Variants in GRM7 observed in about 807,000 individuals in gnomAD.
The protein encoded by GRM7 is metabotropic glutamate receptor 7.
In GRM7, 35 loss-of-function variants were observed where a neutral mutation model predicts 84.5. That is an observed-to-expected ratio of 0.41 (90% CI 0.32 to 0.55). GRM7 has a LOEUF of 0.55. Among genes scored for constraint, GRM7 ranks in the 20% least tolerant of loss-of-function variants. GRM7 has a pLI of 0.19. For synonymous variants in GRM7, 487 were observed against 455.1 expected, an observed-to-expected ratio of 1.07 and a Z score of -0.89; for missense variants, 1,003 against 1,194.6, an observed-to-expected ratio of 0.84 and a Z score of 2.36.
intron 4 of GRM7, among the ~76,000 whole-genome samples, chr3:7,321,236 C>T (rs1040936801): frequency 6.6e-6 from 1 of 152,056 alleles, no homozygotes; most frequent in Non-Finnish European, 1.5e-5. Flanking sequence ...CACAAATATA[C>T]AGTTCATAAG....
At chr3:7,558,007 T>C (rs1034223117) in intron 7 of GRM7, among the ~76,000 whole-genome samples, 2 of 147,814 alleles carry the variant, frequency 1.4e-5, no homozygotes, top group Non-Finnish European at 3.0e-5. Context: ...ACATAAGCAA[T>C]GCAATTAGTG....
intron 3 of GRM7, among the ~76,000 whole-genome samples, chr3:7,304,308 C>CTTTTTTTTT (rs34986687): frequency 1.0e-5 from 1 of 98,042 alleles, no homozygotes; most frequent in Non-Finnish European, 2.1e-5. Flanking sequence ...ATCATCCATC[C>CTTTTTTTTT]TTTTTTTTTT....
chr3:7,329,682 G>A (rs6795415), intron 4 of GRM7, among the ~76,000 whole-genome samples: 98,447 of 151,892 alleles, frequency 0.65, 33,815 homozygotes, highest in African/African-American at 0.89. Context: ...AAGTATACCT[G>A]GTGTGTCTCA....
chr3:7,544,495 T>C (rs1259264127), intron 7 of GRM7, among the ~76,000 whole-genome samples: 1 of 152,182 alleles, frequency 6.6e-6, no homozygotes, highest in Non-Finnish European at 1.5e-5. Flanking sequence ...CAGATTTGCC[T>C]CTGACTTACT....
chr3:6,968,907 A>G (rs1693630564), intron 1 of GRM7, among the ~76,000 whole-genome samples: 1 of 152,232 alleles, frequency 6.6e-6, no homozygotes, highest in Admixed American at 6.5e-5. Context: ...AGATTTTCTA[A>G]TTCTTTGAGT....
In GRM7 at chr3:6,862,445, T is replaced by G. The variant is rs1325003700; in HGVS notation, c.519+538T>G. ...TCTTAACCTAGATGTGGATGTTAAG[T>G]CCGCATCTCCCTCGGGCTGATTTCC... On this transcript the variant is annotated intron_variant, in intron 1 of 9. Transcript: ENST00000357716. This position sits in a 1 kb window ranked among gnomAD's most constrained non-coding sequence, Gnocchi z 5.2. 6.6e-6 allele frequency among the ~76,000 whole-genome samples: 1 copy of G among 152,062 alleles called. No homozygotes were observed. The highest frequency in any genetic ancestry group is 6.5e-5 in the Admixed American group (1 of 15,280).
At chr3:7,184,923 A>G (rs1243563280) in intron 2 of GRM7, among the ~76,000 whole-genome samples, 1 of 152,198 alleles carries the variant, frequency 6.6e-6, no homozygotes, top group Non-Finnish European at 1.5e-5. Context: ...AAAAGAAAAT[A>G]TTAATATTAT....
In GRM7 at chr3:7,578,827, A is replaced by C; in HGVS notation, c.1921A>C (p.Ile641Leu). The C allele has an allele frequency of 6.2e-7, 1 of 1,614,134 alleles. No individual in the cohort carries two copies. Among genetic ancestry groups the C allele is most frequent in the Non-Finnish European group, 8.5e-7 (1 of 1,180,024 alleles). Residue 641 changes from isoleucine (I) to leucine (L), a missense_variant, in exon 8 of 10, where the codon ATC becomes CTC. By Grantham distance (5) the Ile-to-Leu change is conservative (BLOSUM62 2). This residue lies in a region of GRM7 where 910 missense variants were observed against 1,126.0 expected (regional missense o/e 0.81). Transcript: ENST00000357716. The stretch of plus-strand genomic sequence containing the variant: ...TTTGACGGGCATCTTTCTTTGCTAC[A>C]TCATCACTTTCCTGATGATTGCCAA... ...VLLTGIFLCY[I>L]ITFLMIAKPD...
At position 7,655,777 on chromosome 3, in the gene GRM7, T is replaced by TCTAA. The variant is rs765593425; in HGVS notation, c.2452-24269_2452-24266dup. The stretch of plus-strand genomic sequence containing the variant: ...TGCTTCCCCAGAGCACCATTTGGCT[T>TCTAA]CTAACTGGAGAAAAAACTTCTCACC... On this transcript the variant is annotated intron_variant, in intron 8 of 9. Transcript: ENST00000357716. Among the ~76,000 whole-genome samples, 437 of 152,302 alleles carry TCTAA rather than the reference T, an allele frequency of 2.9e-3. 7 individuals are homozygous for TCTAA. Among genetic ancestry groups the TCTAA allele is most frequent in the Middle Eastern group, 0.017 (5 of 294 alleles).
intron 8 of GRM7, among the ~76,000 whole-genome samples, chr3:7,622,596 T>C (rs1697411929): frequency 6.6e-6 from 1 of 151,848 alleles, no homozygotes; most frequent in Non-Finnish European, 1.5e-5. Context: ...TACGGTGGAA[T>C]TGACATATTT....
At position 7,050,207 on chromosome 3, in the gene GRM7, C is replaced by T. The variant is rs141709275; in HGVS notation, c.520-96245C>T. 1.3e-3 allele frequency among the ~76,000 whole-genome samples: 198 copies of T among 151,948 alleles called. 1 individual carries two copies. Among genetic ancestry groups the T allele is most frequent in the South Asian group, 8.5e-3 (41 of 4,824 alleles). On this transcript the variant is annotated intron_variant, in intron 1 of 9. Coordinates refer to ENST00000357716, the MANE Select transcript of GRM7 (RefSeq NM_000844.4). ...CCACACATTCATAACTTTGAAATTTCCCAGTGATCTCATGAACTTTTGTAA... is the reference window on the plus strand; with the variant it reads ...CCACACATTCATAACTTTGAAATTTTCCAGTGATCTCATGAACTTTTGTAA...
At chr3:7,232,253 A>C (rs1329761659) in intron 2 of GRM7, among the ~76,000 whole-genome samples, 1 of 151,940 alleles carries the variant, frequency 6.6e-6, no homozygotes, top group Non-Finnish European at 1.5e-5. Context: ...GATCTTGTAA[A>C]AAAAAAAAAA....
At chr3:7,399,273 A>G (rs1695347745) in intron 4 of GRM7, among the ~76,000 whole-genome samples, 1 of 152,020 alleles carries the variant, frequency 6.6e-6, no homozygotes, top group South Asian at 2.1e-4. Flanking sequence ...CTCTAGATCC[A>G]ATCACCCCAT....
intron 1 of GRM7, among the ~76,000 whole-genome samples, chr3:7,097,738 C>T (rs1206585778): frequency 1.3e-5 from 2 of 152,150 alleles, no homozygotes; most frequent in Non-Finnish European, 2.9e-5. Flanking sequence ...GTCACCAGAA[C>T]TTCCAGATTG....
chr3:6,959,648 A>G (rs1333314321), intron 1 of GRM7, among the ~76,000 whole-genome samples: 1 of 152,178 alleles, frequency 6.6e-6, no homozygotes, highest in Admixed American at 6.5e-5. Flanking sequence ...TTAGTTACAA[A>G]GCACATATAT....
At chr3:7,402,082 C>G (rs1486137688) in intron 4 of GRM7, among the ~76,000 whole-genome samples, 1 of 152,118 alleles carries the variant, frequency 6.6e-6, no homozygotes, top group Non-Finnish European at 1.5e-5. Context: ...ATTGACTCAT[C>G]TCCCCAGGCA....
intron 7 of GRM7, among the ~76,000 whole-genome samples, chr3:7,480,540 TTTAAACA>T (rs1039733106): frequency 1.3e-5 from 2 of 152,206 alleles, no homozygotes; most frequent in African/African-American, 4.8e-5. Flanking sequence ...CACCAGTGTG[TTTAAACA>T]TTAAATAAAA....
chr3:7,361,360 C>G (rs1306374253), intron 4 of GRM7, among the ~76,000 whole-genome samples: 1 of 152,084 alleles, frequency 6.6e-6, no homozygotes, highest in East Asian at 1.9e-4. Flanking sequence ...AGTCTAGACA[C>G]AAGGTCACTC....
At chr3:6,944,133 A>G (rs1392418375) in intron 1 of GRM7, among the ~76,000 whole-genome samples, 1 of 152,064 alleles carries the variant, frequency 6.6e-6, no homozygotes, top group Non-Finnish European at 1.5e-5. Flanking sequence ...AATAAAGACA[A>G]ATTAATCTCT....
Sources: allele counts gnomAD v4.1 joint callset (sites outside exome capture counted in the v4.1 genomes callset), GRCh38; gene constraint gnomAD v4.1.1; regional missense constraint gnomAD v4.1.1; non-coding constraint Gnocchi (gnomAD v3.1); transcripts MANE v1.5; gene names NCBI Gene and HGNC (gene_info 2026-07-23, HGNC 2026-07-21).